LRP1B: variants seen among roughly 807,000 people sequenced by gnomAD.
LRP1B encodes LDL receptor related protein 1B, also known as low-density lipoprotein receptor-related protein 1B.
Under a neutral mutation model 556.6 loss-of-function variants are expected in LRP1B, and 217 were observed. The ratio of observed to expected loss-of-function variants is 0.39; its 90% CI spans 0.35 to 0.44. The LOEUF is 0.44. LRP1B is among the 20% of genes least tolerant of loss of function. The probability of loss-of-function intolerance (pLI) is 1.00; values close to 1 mark genes in which losing one functional copy is unlikely to be tolerated. For missense variants in LRP1B, 5,053 were observed against 5,620.8 expected, an observed-to-expected ratio of 0.90 and a Z score of 3.23; for synonymous variants, 2,047 against 1,865.8, an observed-to-expected ratio of 1.10 and a Z score of -2.50.
intron 11 of LRP1B, among the ~76,000 whole-genome samples, chr2:141,042,316 T>G (rs1317455976): frequency 6.6e-6 from 1 of 152,086 alleles, no homozygotes; most frequent in Non-Finnish European, 1.5e-5. Context: ...GGGCGTTCCC[T>G]AAGCTCCAGA....
chr2:140,470,644 C>CAAAAAAAAAAAAA, intron 60 of LRP1B, among the ~76,000 whole-genome samples: 1 of 58,544 alleles, frequency 1.7e-5, no homozygotes, highest in Non-Finnish European at 2.8e-5. Context: ...GACTCTGTCT[C>CAAAAAAAAAAAAA]AAAAAAAAAA....
rs143074001 is a variant in LRP1B, at chr2:141,137,941, G to A, written c.1013+50480C>T. Among the ~76,000 whole-genome samples the A allele has an allele frequency of 2.3e-3, 343 of 151,028 alleles. 2 individuals are homozygous for A. The highest frequency in any genetic ancestry group is 7.6e-3 in the African/African-American group (313 of 41,238). On this transcript the variant is annotated intron_variant, in intron 7 of 90. Transcript: ENST00000389484. The stretch of plus-strand genomic sequence containing the variant: ...GGAAAGTACTTCCAACTTATTCTCC[G>A]AGGTCATCACTACCACGACTCCAAA...
chr2:141,311,857 C>A (rs1686824745), intron 3 of LRP1B, among the ~76,000 whole-genome samples: 1 of 152,098 alleles, frequency 6.6e-6, no homozygotes, highest in African/African-American at 2.4e-5. Context: ...CAGATTTATG[C>A]AGGCAATTGG....
intron 2 of LRP1B, among the ~76,000 whole-genome samples, chr2:141,709,319 A>G (rs1162497073): frequency 6.6e-6 from 1 of 151,078 alleles, no homozygotes; most frequent in Non-Finnish European, 1.5e-5. Context: ...ATTGCACTCC[A>G]GCCTGGGCAA....
chr2:141,769,350 G>A lies in LRP1B; in HGVS notation c.205+40929C>T, dbSNP rs185158206. ...ACCATTAATGCCACTGTAATCCCTTGCAGTTAAGACAGACTTTAAAAGCCC... is the reference window on the plus strand; with the variant it reads ...ACCATTAATGCCACTGTAATCCCTTACAGTTAAGACAGACTTTAAAAGCCC... On this transcript the variant is annotated intron_variant, in intron 2 of 90. Transcript: ENST00000389484. Among the ~76,000 whole-genome samples the A allele has an allele frequency of 2.0e-5, 3 of 152,234 alleles. No homozygotes were observed. The East Asian group carries it at 5.8e-4, about 29-fold the overall frequency.
chr2:142,102,946 G>A (rs1041935590), intron 1 of LRP1B, among the ~76,000 whole-genome samples: 1 of 151,824 alleles, frequency 6.6e-6, no homozygotes, highest in Admixed American at 6.6e-5. Context: ...TCTGGGCTTT[G>A]TCTTCTAGGT....
chr2:140,664,853 A>G (rs1685213462), intron 41 of LRP1B, among the ~76,000 whole-genome samples: 1 of 152,130 alleles, frequency 6.6e-6, no homozygotes, highest in South Asian at 2.1e-4. Flanking sequence ...TATAAAAAAA[A>G]TTCTGATATC....
intron 2 of LRP1B, among the ~76,000 whole-genome samples, chr2:141,704,722 T>G (rs1288490826): frequency 6.6e-6 from 1 of 152,018 alleles, no homozygotes; most frequent in Admixed American, 6.6e-5. Flanking sequence ...TTTGGTGTCC[T>G]GGCAGTAGTC....
chr2:141,260,946 T>G (rs1270310560), intron 3 of LRP1B, among the ~76,000 whole-genome samples: 1 of 152,078 alleles, frequency 6.6e-6, no homozygotes, highest in Non-Finnish European at 1.5e-5. Context: ...ATCCAACAAC[T>G]AGAACCATAG....
chr2:140,270,500 G>A (rs1682408009), intron 85 of LRP1B, among the ~76,000 whole-genome samples, 154 bp from the exon 86 acceptor site: 1 of 151,980 alleles, frequency 6.6e-6, no homozygotes, highest in Non-Finnish European at 1.5e-5. Flanking sequence ...TGACTCACTA[G>A]AGGCAGTTTA....
At chr2:140,971,783 G>A (rs770902720) in intron 18 of LRP1B, among the ~76,000 whole-genome samples, 18 of 152,150 alleles carry the variant, frequency 1.2e-4, no homozygotes, top group Non-Finnish European at 2.2e-4. Context: ...GCAGTGAGCC[G>A]AGATGGCGCC....
At chr2:140,485,223 G>T in intron 59 of LRP1B, 120 bp downstream of exon 59, 1 of 587,960 alleles carries the variant, frequency 1.7e-6, no homozygotes. Context: ...TTCTAAGTGA[G>T]AATTTCTGCA....
At chr2:142,045,467 TATAGTC>T (rs1281266364) in intron 1 of LRP1B, among the ~76,000 whole-genome samples, 5 of 151,874 alleles carry the variant, frequency 3.3e-5, no homozygotes, top group African/African-American at 7.2e-5. Flanking sequence ...AATTAGCACT[TATAGTC>T]AGAGTATCTC....
chr2:141,920,920 A>C, intron 1 of LRP1B, among the ~76,000 whole-genome samples: 1 of 151,978 alleles, frequency 6.6e-6, no homozygotes, highest in Non-Finnish European at 1.5e-5. Context: ...TTTGCTCTTA[A>C]TGTTGACATT....
At chr2:140,894,587 A>C (rs980310665) in intron 23 of LRP1B, among the ~76,000 whole-genome samples, 5 of 152,150 alleles carry the variant, frequency 3.3e-5, no homozygotes, top group Non-Finnish European at 7.4e-5. Context: ...GGAGAAGAGA[A>C]AGGGTACATT....
chr2:141,640,093 T>A (rs1472241317), intron 2 of LRP1B, among the ~76,000 whole-genome samples: 1 of 152,102 alleles, frequency 6.6e-6, no homozygotes, highest in East Asian at 1.9e-4. Flanking sequence ...TTCAACTACA[T>A]CAATAACGAA....
intron 7 of LRP1B, among the ~76,000 whole-genome samples, chr2:141,178,565 C>T (rs1680843138): frequency 6.6e-6 from 1 of 151,994 alleles, no homozygotes; most frequent in Admixed American, 6.6e-5. Flanking sequence ...TGTAGCATAT[C>T]CTATGTATGA....
At chr2:141,389,016 C>T in intron 3 of LRP1B, among the ~76,000 whole-genome samples, 1 of 152,046 alleles carries the variant, frequency 6.6e-6, no homozygotes, top group East Asian at 1.9e-4. Flanking sequence ...GAATCATATC[C>T]GTGTTCATAG....
intron 1 of LRP1B, among the ~76,000 whole-genome samples, chr2:142,077,690 G>T (rs905344813): frequency 6.6e-6 from 1 of 152,032 alleles, no homozygotes; most frequent in African/African-American, 2.4e-5. Context: ...CTCTGCAGGG[G>T]AGAGAGTTTG....
Sources: gnomAD v4.1 joint callset for allele counts (sites outside exome capture counted in the v4.1 genomes callset) on GRCh38, gnomAD v4.1.1 for gene constraint, MANE v1.5 for transcripts, NCBI Gene and HGNC (gene_info 2026-07-23, HGNC 2026-07-21) for gene names.